Variants in FOXP1 observed in about 807,000 individuals in gnomAD.
FOXP1 encodes forkhead box P1, also known as forkhead box protein P1.
FOXP1 carries 15 observed loss-of-function variants against 98.2 expected under a neutral mutation model. That is an observed-to-expected ratio of 0.15 (90% CI 0.10 to 0.24). The LOEUF (loss-of-function observed/expected upper bound fraction) is 0.24, where lower values mean the gene tolerates loss of function less well. FOXP1 is among the 10% of genes least tolerant of loss of function. FOXP1 has a pLI of 1.00. For synonymous variants in FOXP1, 371 were observed against 314.5 expected (o/e 1.18, Z -1.90); for missense variants, 633 against 848.5 (o/e 0.75, Z 3.15).
intron 4 of FOXP1, among the ~76,000 whole-genome samples, chr3:71,326,150 C>G (rs1207038491): frequency 1.3e-5 from 2 of 152,138 alleles, no homozygotes; most frequent in Admixed American, 1.3e-4. Context: ...CACGCATTAG[C>G]AGGAAGAGGC....
At chr3:71,286,962 C>A (rs982347171) in intron 5 of FOXP1, among the ~76,000 whole-genome samples, 1 of 152,118 alleles carries the variant, frequency 6.6e-6, no homozygotes, top group African/African-American at 2.4e-5. Flanking sequence ...GACGTAGTTA[C>A]AATCACAAAT....
At position 71,371,205 on chromosome 3, in the gene FOXP1, G is replaced by T. The variant is rs143198492; in HGVS notation, c.-167-11961C>A. 1.9e-3 allele frequency among the ~76,000 whole-genome samples: 291 copies of T among 152,324 alleles called. 1 individual carries two copies. The highest frequency in any genetic ancestry group is 6.8e-3 in the African/African-American group (282 of 41,576). On this transcript the variant is annotated intron_variant, in intron 3 of 20. Coordinates refer to ENST00000649528, the MANE Select transcript of FOXP1 (RefSeq NM_001349338.3). ...GTTCAGGCGCCACACTTGGAGGACT[G>T]TGCTCTGAAGCACTGTGCTTCCACC...
chr3:71,100,633 T>G (rs1386407162), intron 7 of FOXP1, among the ~76,000 whole-genome samples: 5 of 152,208 alleles, frequency 3.3e-5, no homozygotes, highest in African/African-American at 9.6e-5. Flanking sequence ...GAAATTAAAC[T>G]CACACACAAT....
intron 5 of FOXP1, among the ~76,000 whole-genome samples, chr3:71,198,858 A>AT (rs1158793469): frequency 6.6e-6 from 1 of 151,824 alleles, no homozygotes; most frequent in African/African-American, 2.4e-5. Flanking sequence ...TGCCCGGCTA[A>AT]TTTTTTGTGT....
chr3:71,124,833 A>G (rs1575857413), intron 6 of FOXP1, among the ~76,000 whole-genome samples: 1 of 152,230 alleles, frequency 6.6e-6, no homozygotes, highest in African/African-American at 2.4e-5. Flanking sequence ...TATTTTCTCA[A>G]TGGAAAGCAA....
At chr3:71,013,988 C>T (rs1576159227) in intron 12 of FOXP1, among the ~76,000 whole-genome samples, 1 of 152,138 alleles carries the variant, frequency 6.6e-6, no homozygotes, top group Non-Finnish European at 1.5e-5. Flanking sequence ...ACACCTTATA[C>T]AAAAATTAAT....
intron 6 of FOXP1, among the ~76,000 whole-genome samples, chr3:71,178,714 T>C (rs140814426): frequency 0.012 from 1,844 of 151,674 alleles, 28 homozygotes; most frequent in African/African-American, 0.042. Flanking sequence ...AAACCCTGTC[T>C]CTACTAAAAA....
intron 6 of FOXP1, among the ~76,000 whole-genome samples, chr3:71,125,583 GA>G (rs1161731856): frequency 2.6e-5 from 4 of 152,172 alleles, no homozygotes; most frequent in South Asian, 4.1e-4. Flanking sequence ...GAGGGAATCT[GA>G]AAAAAACTTT....
At chr3:71,578,142 G>A (rs897772900) in intron 2 of FOXP1, among the ~76,000 whole-genome samples, 6 of 152,114 alleles carry the variant, frequency 3.9e-5, no homozygotes, top group African/African-American at 1.2e-4. Flanking sequence ...ACCCTTTCTC[G>A]GTCGTGGAGA....
intron 3 of FOXP1, among the ~76,000 whole-genome samples, chr3:71,378,714 TTTA>T (rs2108033435): frequency 6.6e-6 from 1 of 151,680 alleles, no homozygotes; most frequent in African/African-American, 2.4e-5. Flanking sequence ...ATATAATTGT[TTTA>T]TTGTTTATAA....
chr3:71,268,126 T>C (rs1258772155), intron 5 of FOXP1, among the ~76,000 whole-genome samples: 3 of 141,678 alleles, frequency 2.1e-5, no homozygotes, highest in African/African-American at 7.9e-5. Context: ...AGTCTCGCTC[T>C]GTCGCCCAGG....
chr3:71,555,677 C>T (rs2046073885), intron 2 of FOXP1, among the ~76,000 whole-genome samples: 1 of 152,106 alleles, frequency 6.6e-6, no homozygotes, highest in Admixed American at 6.5e-5. Flanking sequence ...TTCCAGGGTC[C>T]ATGCATATAA....
chr3:71,466,891 G>A (rs1007691218), intron 3 of FOXP1, among the ~76,000 whole-genome samples: 1 of 152,212 alleles, frequency 6.6e-6, no homozygotes, highest in African/African-American at 2.4e-5. Flanking sequence ...TGTTTCTCAA[G>A]TGATACTTAT....
At chr3:71,093,765 G>T (rs2056156468) in intron 7 of FOXP1, among the ~76,000 whole-genome samples, 1 of 151,720 alleles carries the variant, frequency 6.6e-6, no homozygotes, top group Admixed American at 6.6e-5. Flanking sequence ...CTTGCTCTCA[G>T]AATCGCTATG....
intron 3 of FOXP1, among the ~76,000 whole-genome samples, chr3:71,459,614 T>G (rs1474719432): frequency 2.0e-5 from 3 of 152,206 alleles, no homozygotes; most frequent in African/African-American, 7.2e-5. Flanking sequence ...GATATGGGGT[T>G]GTTGTTTTTT....
chr3:71,472,007 C>T (rs1402749554), intron 3 of FOXP1, among the ~76,000 whole-genome samples: 3 of 152,068 alleles, frequency 2.0e-5, no homozygotes, highest in Non-Finnish European at 4.4e-5. Flanking sequence ...AGAAGATGGC[C>T]AAATGTAATT....
At chr3:71,348,528 T>TGTGTGTGC (rs1221419076) in intron 4 of FOXP1, among the ~76,000 whole-genome samples, 1 of 126,062 alleles carries the variant, frequency 7.9e-6, no homozygotes, top group Non-Finnish European at 1.8e-5. Context: ...TGTGCGTGTG[T>TGTGTGTGC]GTGTGTGTGT....
intron 7 of FOXP1, among the ~76,000 whole-genome samples, chr3:71,056,139 C>T (rs2050607771): frequency 6.6e-6 from 1 of 152,214 alleles, no homozygotes; most frequent in Non-Finnish European, 1.5e-5. Context: ...CAACTAGACA[C>T]TGAAAATCAG....
chr3:71,370,797 T>TG (rs1332228506), intron 3 of FOXP1, among the ~76,000 whole-genome samples: 5 of 110,196 alleles, frequency 4.5e-5, no homozygotes, highest in Non-Finnish European at 9.7e-5. Context: ...TTTTTTTTGT[T>TG]GTTTTTTTTT....
Sources: allele counts gnomAD v4.1 joint callset (sites outside exome capture counted in the v4.1 genomes callset), GRCh38; gene constraint gnomAD v4.1.1; transcripts MANE v1.5; gene names NCBI Gene and HGNC (gene_info 2026-07-23, HGNC 2026-07-21).